Variants in GLCE observed in about 807,000 individuals in gnomAD.
GLCE encodes glucuronic acid epimerase, also known as D-glucuronyl C5-epimerase.
GLCE carries 19 observed loss-of-function variants against 47.9 expected under a neutral mutation model. The observed-to-expected ratio is 0.40, with a 90% CI of 0.28 to 0.58. The LOEUF (loss-of-function observed/expected upper bound fraction) is 0.58, where lower values mean the gene tolerates loss of function less well. GLCE is among the 20% of genes least tolerant of loss of function. The pLI is 0.48. For missense variants in GLCE, 556 were observed against 743.3 expected, an observed-to-expected ratio of 0.75 and a Z score of 2.93; for synonymous variants, 245 against 263.4, an observed-to-expected ratio of 0.93 and a Z score of 0.68.
chr15:69,222,002 A>G (rs2052383809), intron 2 of GLCE, among the ~76,000 whole-genome samples: 1 of 149,278 alleles, frequency 6.7e-6, no homozygotes, highest in Admixed American at 6.7e-5. Context: ...TTTTGTTTTT[A>G]TGATCTTTAT....
At chr15:69,266,210 A>G (rs1243016474) in intron 4 of GLCE, among the ~76,000 whole-genome samples, 2 of 152,230 alleles carry the variant, frequency 1.3e-5, no homozygotes, top group African/African-American at 4.8e-5. Context: ...TGAAGTAATT[A>G]AGAGCCTTGG....
At chr15:69,168,917 A>G (rs1000628906) in intron 1 of GLCE, among the ~76,000 whole-genome samples, 8 of 152,226 alleles carry the variant, frequency 5.3e-5, no homozygotes, top group African/African-American at 1.9e-4. Context: ...TATACAGCTC[A>G]ATGAATTACA....
chr15:69,237,903 G>A (rs1455354473), intron 2 of GLCE, among the ~76,000 whole-genome samples: 1 of 152,160 alleles, frequency 6.6e-6, no homozygotes, highest in Non-Finnish European at 1.5e-5. Flanking sequence ...AGCTGGAGAA[G>A]CCTGAAACTC....
At chr15:69,253,766 T>C (rs2052881591) in intron 2 of GLCE, among the ~76,000 whole-genome samples, 1 of 152,190 alleles carries the variant, frequency 6.6e-6, no homozygotes, top group Non-Finnish European at 1.5e-5. Context: ...GCAGAATTCC[T>C]AGGATAAACA....
At chr15:69,200,533 A>G (rs907953630) in intron 1 of GLCE, among the ~76,000 whole-genome samples, 1 of 152,156 alleles carries the variant, frequency 6.6e-6, no homozygotes, top group Non-Finnish European at 1.5e-5. Flanking sequence ...GTTTCTACAT[A>G]TTGTTCTTTT....
chr15:69,225,387 G>A (rs974512388), intron 2 of GLCE, among the ~76,000 whole-genome samples: 2 of 152,038 alleles, frequency 1.3e-5, no homozygotes, highest in Non-Finnish European at 2.9e-5. Flanking sequence ...ACAGAGTTCA[G>A]CATTCAATTA....
chr15:69,164,391 G>C (rs1239432554), intron 1 of GLCE, among the ~76,000 whole-genome samples: 2 of 151,410 alleles, frequency 1.3e-5, no homozygotes, highest in Non-Finnish European at 3.0e-5. Context: ...TGTGTCCTTG[G>C]ATAATTCCTT....
chr15:69,180,783 C>G (rs1289621293), intron 1 of GLCE, among the ~76,000 whole-genome samples: 2 of 152,146 alleles, frequency 1.3e-5, no homozygotes, highest in African/African-American at 4.8e-5. Context: ...ATTTTAAGGA[C>G]TTCAGCTTTT....
At chr15:69,186,153 A>G (rs2051820412) in intron 1 of GLCE, among the ~76,000 whole-genome samples, 3 of 152,114 alleles carry the variant, frequency 2.0e-5, no homozygotes, top group Admixed American at 1.3e-4. Flanking sequence ...TCTCTGAACC[A>G]GTTTTCTTGG....
At chr15:69,242,629 T>A (rs1212647702) in intron 2 of GLCE, among the ~76,000 whole-genome samples, 1 of 152,156 alleles carries the variant, frequency 6.6e-6, no homozygotes, top group Non-Finnish European at 1.5e-5. Context: ...TGCAAACAAC[T>A]TTCCTTCTAC....
chr15:69,176,216 GTTTTTTTTTT>G (rs35017106), intron 1 of GLCE, among the ~76,000 whole-genome samples: 6 of 63,388 alleles, frequency 9.5e-5, no homozygotes, highest in South Asian at 1.5e-3. Flanking sequence ...GTGGAACCTT[GTTTTTTTTTT>G]TTTTTTTTTT....
At chr15:69,210,251 A>G (rs1292239644) in intron 1 of GLCE, 65 bp from the exon 2 acceptor site, 1 of 152,132 alleles carries the variant, frequency 6.6e-6, no homozygotes, top group Non-Finnish European at 1.5e-5. Flanking sequence ...ACTTGTTGGC[A>G]TGTGATTACC....
chr15:69,220,870 G>A (rs1431375478), intron 2 of GLCE, among the ~76,000 whole-genome samples: 1 of 152,108 alleles, frequency 6.6e-6, no homozygotes, highest in African/African-American at 2.4e-5. Flanking sequence ...ATATTGTGAA[G>A]CTTTTGCCCT....
At chr15:69,200,138 C>T (rs930737647) in intron 1 of GLCE, among the ~76,000 whole-genome samples, 3 of 152,066 alleles carry the variant, frequency 2.0e-5, no homozygotes, top group African/African-American at 7.2e-5. Context: ...TTTTTTGACA[C>T]TAATCAGGCA....
intron 2 of GLCE, among the ~76,000 whole-genome samples, chr15:69,249,466 A>G (rs892886228): frequency 1.3e-5 from 2 of 152,166 alleles, no homozygotes; most frequent in African/African-American, 4.8e-5. Context: ...AGTGAGTTTG[A>G]TTATTTGTTG....
chr15:69,202,512 G>A (rs956328839), intron 1 of GLCE, among the ~76,000 whole-genome samples: 4 of 151,932 alleles, frequency 2.6e-5, no homozygotes. Flanking sequence ...GAAAAACTGC[G>A]GTATTCTTAC....
At chr15:69,170,143 T>A (rs2051568012) in intron 1 of GLCE, among the ~76,000 whole-genome samples, 1 of 152,074 alleles carries the variant, frequency 6.6e-6, no homozygotes, top group Non-Finnish European at 1.5e-5. Context: ...TATGCCAATA[T>A]GAAACATTAG....
rs569842122 is a variant in GLCE, at chr15:69,181,815, T to G, written c.-105+21058T>G. ...CAAAGAGTTTTTTTGTTTTTTGTTT[T>G]TGTTTTGACGTGTTTGTAGGAGGCT... On this transcript the variant is annotated intron_variant, in intron 1 of 4. Transcript: ENST00000261858. 3.3e-5 allele frequency among the ~76,000 whole-genome samples: 5 copies of G among 152,104 alleles called. No individual in the cohort carries two copies. In the East Asian group the frequency reaches 7.7e-4, roughly 23 times the overall value.
At chr15:69,173,848 A>T (rs2051622423) in intron 1 of GLCE, among the ~76,000 whole-genome samples, 1 of 152,174 alleles carries the variant, frequency 6.6e-6, no homozygotes, top group Admixed American at 6.5e-5. Flanking sequence ...ATAGTATGAA[A>T]TAATTTAACT....
Sources: gnomAD v4.1 joint callset for allele counts (sites outside exome capture counted in the v4.1 genomes callset) on GRCh38, gnomAD v4.1.1 for gene constraint, MANE v1.5 for transcripts, NCBI Gene and HGNC (gene_info 2026-07-23, HGNC 2026-07-21) for gene names.